Variants in ZSCAN25 observed in about 807,000 individuals in gnomAD.
ZSCAN25 encodes zinc finger and SCAN domain-containing protein 25.
ZSCAN25 carries 27 observed loss-of-function variants against 38.7 expected under a neutral mutation model. That is an observed-to-expected ratio of 0.70 (90% CI 0.51 to 0.96). The LOEUF is 0.96. ZSCAN25 is among the 40% of genes least tolerant of loss of function. The pLI is 0.00. For synonymous variants in ZSCAN25, 273 were observed against 277.7 expected (o/e 0.98, Z 0.17); for missense variants, 637 against 705.9 (o/e 0.90, Z 1.11).
chr7:99,630,519 C>G lies in ZSCAN25; in HGVS notation c.*499C>G. 1 of 991,946 alleles carries G rather than the reference C, an allele frequency of 1.0e-6. No homozygotes were observed. Among genetic ancestry groups the G allele is most frequent in the Non-Finnish European group, 1.2e-6 (1 of 834,072 alleles). The allele number at this position is 991,946 out of a possible 1,614,324, so 61.4% of individuals were successfully genotyped here. A position where few individuals can be genotyped will look rare whatever the true frequency, so the allele number is the denominator to read the frequency against. ...GAATGAGAGACTAGACGTGATGCCT[C>G]TGGGGGTTGTGCGTTGGGGATGCAT... On this transcript the variant is annotated 3_prime_UTR_variant, in exon 8 of 8. Coordinates refer to ENST00000394152, the MANE Select transcript of ZSCAN25 (RefSeq NM_145115.3).
chr7:99,686,904 C>G, the ZSCAN25 span, among the ~76,000 whole-genome samples: 1 of 152,202 alleles, frequency 6.6e-6, no homozygotes, highest in Non-Finnish European at 1.5e-5. Flanking sequence ...ACTGCTGATA[C>G]CCAGGCAAAC....
the ZSCAN25 span, chr7:99,734,873 A>G: frequency 6.0e-6 from 7 of 1,175,838 alleles, no homozygotes; most frequent in Non-Finnish European, 8.8e-6. Context: ...CCACCTGCTC[A>G]GCATCCCAAA....
Position 99,629,245 on chromosome 7 carries a change from C to A in ZSCAN25, c.860C>A (p.Ala287Glu). The change falls in exon 8 of 8, where the codon GCG becomes GAG. Residue 287 changes from alanine to glutamate, a missense_variant. Coordinates refer to ENST00000394152, the MANE Select transcript of ZSCAN25 (RefSeq NM_145115.3). This position sits in a 1 kb window ranked among gnomAD's most constrained non-coding sequence, Gnocchi z 5.6. ...CCCCCACAGGAAGACCTGAAAGGGGCGCTGGTGGCACTGACATCAGAGAGG... is the reference window on the plus strand; with the variant it reads ...CCCCCACAGGAAGACCTGAAAGGGGAGCTGGTGGCACTGACATCAGAGAGG... ...AKPPQEDLKG[A>E]LVALTSERFG... The A allele has an allele frequency of 6.2e-7, 1 of 1,613,976 alleles. No homozygotes were observed. The highest frequency in any genetic ancestry group is 8.5e-7 in the Non-Finnish European group (1 of 1,179,926).
the ZSCAN25 span, among the ~76,000 whole-genome samples, chr7:99,726,170 A>G: frequency 2.0e-5 from 3 of 152,070 alleles, no homozygotes; most frequent in South Asian, 6.2e-4. Context: ...CAGGTATGGG[A>G]CACCTCTACT....
chr7:99,716,763 G>C, the ZSCAN25 span, among the ~76,000 whole-genome samples: 1 of 152,052 alleles, frequency 6.6e-6, no homozygotes, highest in African/African-American at 2.4e-5. Flanking sequence ...AACATGAAAT[G>C]ATCAAAGTTA....
At chr7:99,665,494 G>A in the ZSCAN25 span, among the ~76,000 whole-genome samples, 4 of 152,224 alleles carry the variant, frequency 2.6e-5, no homozygotes, top group Non-Finnish European at 5.9e-5. Context: ...TGCCAGTGAT[G>A]GAGCTGGCCC....
chr7:99,660,626 A>G, the ZSCAN25 span: 1 of 1,613,970 alleles, frequency 6.2e-7, no homozygotes, highest in South Asian at 1.1e-5. Context: ...AATGAAGATT[A>G]TTGACTGGGC....
the ZSCAN25 span, chr7:99,638,582 A>G: frequency 1.7e-4 from 264 of 1,569,198 alleles, no homozygotes; most frequent in Non-Finnish European, 2.1e-4. Flanking sequence ...CCCACATCCC[A>G]TATGTTGAAC....
At chr7:99,663,428 G>A in the ZSCAN25 span, 10 of 989,696 alleles carry the variant, frequency 1.0e-5, no homozygotes, top group South Asian at 1.4e-4. Flanking sequence ...TCTAGGGCTC[G>A]TGAAGGCAAA....
chr7:99,715,911 G>A, the ZSCAN25 span: 16 of 1,613,706 alleles, frequency 9.9e-6, no homozygotes, highest in Non-Finnish European at 1.2e-5. Context: ...AAGACGCTGA[G>A]TGGAGAAAGA....
chr7:99,661,994 AAAT>A, the ZSCAN25 span, among the ~76,000 whole-genome samples: 1 of 152,262 alleles, frequency 6.6e-6, no homozygotes, highest in Admixed American at 6.5e-5. Flanking sequence ...TGAAACAGTG[AAAT>A]GATAGACTAT....
At chr7:99,701,231 A>G in the ZSCAN25 span, among the ~76,000 whole-genome samples, 1 of 152,228 alleles carries the variant, frequency 6.6e-6, no homozygotes, top group Non-Finnish European at 1.5e-5. Flanking sequence ...GGCTTATTTT[A>G]CCTAACATAA....
intron 5 of ZSCAN25, 35 bp from the exon 6 acceptor site, chr7:99,622,514 T>C: frequency 6.3e-7 from 1 of 1,598,754 alleles, no homozygotes; most frequent in Non-Finnish European, 8.6e-7. Context: ...TCACTGATCC[T>C]TCTGATCTTT....
the ZSCAN25 span, among the ~76,000 whole-genome samples, chr7:99,698,444 A>G: frequency 6.6e-6 from 1 of 152,158 alleles, no homozygotes; most frequent in Non-Finnish European, 1.5e-5. Context: ...CTTACTTCAT[A>G]CGGATCCTAC....
At chr7:99,672,925 A>G in the ZSCAN25 span, 11 of 1,295,256 alleles carry the variant, frequency 8.5e-6, no homozygotes, top group South Asian at 2.1e-5. Context: ...ATTGAAAGAC[A>G]AAAGAGCTCT....
chr7:99,660,804 G>T, the ZSCAN25 span: 1 of 951,446 alleles, frequency 1.1e-6, no homozygotes, highest in Non-Finnish European at 1.5e-6. Context: ...TTTTCATTCT[G>T]ATATGTATCT....
intron 5 of ZSCAN25, chr7:99,621,865 G>C (rs1806996780): frequency 3.5e-6 from 1 of 283,200 alleles, no homozygotes; most frequent in Non-Finnish European, 6.5e-6. Context: ...TGACTTGCAG[G>C]AATACTTTTT....
the ZSCAN25 span, chr7:99,717,476 A>G: frequency 1.2e-6 from 2 of 1,608,164 alleles, no homozygotes; most frequent in South Asian, 2.2e-5. Context: ...ACCTGTCCCC[A>G]CCTGATTCAT....
the ZSCAN25 span, among the ~76,000 whole-genome samples, chr7:99,640,260 G>A: frequency 2.6e-3 from 400 of 152,342 alleles, 2 homozygotes; most frequent in African/African-American, 7.3e-3. Flanking sequence ...CCAGGTTCAA[G>A]CAGTTCTCCT....
Sources: gnomAD v4.1 joint callset for allele counts (sites outside exome capture counted in the v4.1 genomes callset) on GRCh38, gnomAD v4.1.1 for gene constraint, Gnocchi (gnomAD v3.1) non-coding constraint, MANE v1.5 for transcripts, NCBI Gene and HGNC (gene_info 2026-07-23, HGNC 2026-07-21) for gene names.